Variants in MCF2L2 observed in about 807,000 individuals in gnomAD.
The protein encoded by MCF2L2 is probable guanine nucleotide exchange factor MCF2L2.
In MCF2L2, 102 loss-of-function variants were observed where a neutral mutation model predicts 150.2. The observed-to-expected ratio is 0.68, with a 90% confidence interval of 0.58 to 0.80. The LOEUF is 0.80. Among genes scored for constraint, MCF2L2 ranks in the 30% least tolerant of loss-of-function variants. The pLI is 0.00. For synonymous variants in MCF2L2, 465 were observed against 491.3 expected, an observed-to-expected ratio of 0.95 and a Z score of 0.71; for missense variants, 1,256 against 1,372.8, an observed-to-expected ratio of 0.91 and a Z score of 1.34.
At chr3:183,310,538 C>A in intron 9 of MCF2L2, 1 of 279,874 alleles carries the variant, frequency 3.6e-6, no homozygotes, top group Non-Finnish European at 7.1e-6. Context: ...TGGGGCATGC[C>A]TGTAATTCCA....
chr3:183,246,823 C>A (rs1054923700), intron 15 of MCF2L2, among the ~76,000 whole-genome samples: 3 of 152,162 alleles, frequency 2.0e-5, no homozygotes, highest in Admixed American at 1.3e-4. Flanking sequence ...GCTCTGATTT[C>A]TCCACTTTCT....
intron 22 of MCF2L2, among the ~76,000 whole-genome samples, chr3:183,215,374 CAGTTAT>C (rs1722876398): frequency 1.3e-5 from 1 of 74,510 alleles, no homozygotes; most frequent in South Asian, 5.3e-4. Context: ...AGAGATCATA[CAGTTAT>C]AGGGGATGTT....
chr3:183,308,811 G>A (rs1729223301), intron 10 of MCF2L2, among the ~76,000 whole-genome samples: 1 of 152,162 alleles, frequency 6.6e-6, no homozygotes, highest in Admixed American at 6.5e-5. Context: ...GCTTACTCAG[G>A]TGACATCTGT....
chr3:183,275,728 C>T (rs1348713617), intron 15 of MCF2L2, among the ~76,000 whole-genome samples: 1 of 152,216 alleles, frequency 6.6e-6, no homozygotes, highest in African/African-American at 2.4e-5. Context: ...ATCTTCTCAC[C>T]TCAGTCTCCT....
At chr3:183,387,415 C>T (rs1272483955) in intron 2 of MCF2L2, among the ~76,000 whole-genome samples, 1 of 152,130 alleles carries the variant, frequency 6.6e-6, no homozygotes, top group Non-Finnish European at 1.5e-5. Context: ...GTTCTCTGTT[C>T]TACGTTAGGG....
chr3:183,193,057 AT>A lies in MCF2L2; in HGVS notation c.2957del (p.Asn986IlefsTer49). 1 of 1,613,992 alleles carries A rather than the reference AT, an allele frequency of 6.2e-7. No individual in the cohort carries two copies. The highest frequency in any genetic ancestry group is 8.5e-7 in the Non-Finnish European group (1 of 1,179,976). On this transcript the variant is annotated frameshift_variant, in exon 27 of 30. Transcript: ENST00000328913. LOFTEE classifies it high-confidence loss of function. ...CCTTGCTAGTGGTAGCTCTTTCCAT[AT>A]TTTTAATCCATGGTCCGGATCCTGC... ...SGAGSGPWIK[N>X]MERATTSKED...
intron 5 of MCF2L2, among the ~76,000 whole-genome samples, chr3:183,338,318 A>G (rs1484118855): frequency 6.6e-6 from 1 of 151,980 alleles, no homozygotes; most frequent in Admixed American, 6.6e-5. Context: ...ATGGTGGCGC[A>G]TGCCTATAAT....
chr3:183,389,983 C>G (rs1244051784), intron 1 of MCF2L2, among the ~76,000 whole-genome samples: 1 of 152,154 alleles, frequency 6.6e-6, no homozygotes. Context: ...TGCATCTGAG[C>G]GTGGAACACA....
chr3:183,399,513 A>C (rs892659241), intron 1 of MCF2L2, among the ~76,000 whole-genome samples: 1 of 152,272 alleles, frequency 6.6e-6, no homozygotes, highest in African/African-American at 2.4e-5. Flanking sequence ...TAGCTGCTTC[A>C]GCTTTGAGAA....
At chr3:183,331,311 C>T (rs74551898) in intron 5 of MCF2L2, among the ~76,000 whole-genome samples, 3,162 of 152,268 alleles carry the variant, frequency 0.021, 55 homozygotes, top group Non-Finnish European at 0.03. Context: ...AAGCTTGGTG[C>T]TTCCCCAGTA....
intron 15 of MCF2L2, among the ~76,000 whole-genome samples, chr3:183,249,866 C>T (rs1724435525): frequency 6.6e-6 from 1 of 152,184 alleles, no homozygotes; most frequent in South Asian, 2.1e-4. Flanking sequence ...TTCAATTCAA[C>T]CTGCAGTTAC....
chr3:183,240,074 T>C (rs1723940704), intron 15 of MCF2L2, among the ~76,000 whole-genome samples: 1 of 152,222 alleles, frequency 6.6e-6, no homozygotes, highest in South Asian at 2.1e-4. Context: ...TCTCTCAACA[T>C]GCTTCCTGGG....
At chr3:183,324,870 C>A (rs577010557) in intron 5 of MCF2L2, among the ~76,000 whole-genome samples, 3 of 151,678 alleles carry the variant, frequency 2.0e-5, no homozygotes, top group Non-Finnish European at 4.4e-5. Flanking sequence ...TGGAACCAAC[C>A]CAAATGTCCA....
intron 15 of MCF2L2, among the ~76,000 whole-genome samples, chr3:183,241,320 T>C (rs1295523176): frequency 1.3e-5 from 2 of 152,206 alleles, no homozygotes; most frequent in Non-Finnish European, 1.5e-5. Context: ...TATGCTATTC[T>C]GTGTACTGGC....
In MCF2L2 at chr3:183,179,581, C is replaced by T. The variant is rs1421465871; in HGVS notation, c.3217G>A (p.Glu1073Lys). The T allele has an allele frequency of 6.2e-7, 1 of 1,612,998 alleles. No individual in the cohort carries two copies. Among genetic ancestry groups the T allele is most frequent in the East Asian group, 2.2e-5 (1 of 44,880 alleles). The change falls in exon 29 of 30, where the codon GAA becomes AAA. Residue 1073 changes from glutamate (E) to lysine (K), a missense_variant. Glu to Lys is a moderately conservative substitution (Grantham distance 56, BLOSUM62 1). Coordinates refer to ENST00000328913, the MANE Select transcript of MCF2L2 (RefSeq NM_015078.4). The surrounding 1 kb of genome is among the most constrained non-coding windows in gnomAD (Gnocchi z 4.2). ...QGEKEERDEE[E>K]TATRSTEEER... ...TCTTTCCTCGCTCACACTCACGTTTCCTCCTCATCGCGTTCTTCTTTTTCT... is the reference window on the plus strand; with the variant it reads ...TCTTTCCTCGCTCACACTCACGTTTTCTCCTCATCGCGTTCTTCTTTTTCT...
rs73884620 is a variant in MCF2L2, at chr3:183,272,691, A to G, written c.1862+4181T>C. ...AAGTTTTCTGACCAATTAAAAAAAC[A>G]TAGAGAACAAAAGCATATTTGACCA... On this transcript the variant is annotated intron_variant, in intron 15 of 29. Coordinates refer to ENST00000328913, the MANE Select transcript of MCF2L2 (RefSeq NM_015078.4). The G allele has an allele frequency of 5.9e-3, 5,968 of 1,009,948 alleles. 273 individuals carry two copies. The African/African-American group carries it at 0.09, about 15-fold the overall frequency. The allele number at this position is 1,009,948 out of a possible 1,614,324, so 62.6% of individuals were successfully genotyped here.
intron 3 of MCF2L2, among the ~76,000 whole-genome samples, chr3:183,365,101 T>C (rs1437748818): frequency 6.6e-6 from 1 of 152,218 alleles, no homozygotes; most frequent in Admixed American, 6.5e-5. Context: ...AGATCCCATT[T>C]ACAATAGCAA....
chr3:183,285,701 A>T (rs1727750386), intron 14 of MCF2L2, among the ~76,000 whole-genome samples: 1 of 152,196 alleles, frequency 6.6e-6, no homozygotes, highest in South Asian at 2.1e-4. Context: ...CAGAATCCTG[A>T]AAAGGCTTTT....
intron 25 of MCF2L2, among the ~76,000 whole-genome samples, chr3:183,196,630 C>T (rs1722091277): frequency 6.6e-6 from 1 of 152,112 alleles, no homozygotes; most frequent in Admixed American, 6.6e-5. Context: ...AAGCCCTTGC[C>T]ATTTGCATCA....
Sources: allele counts gnomAD v4.1 joint callset (sites outside exome capture counted in the v4.1 genomes callset), GRCh38; gene constraint gnomAD v4.1.1; non-coding constraint Gnocchi (gnomAD v3.1); transcripts MANE v1.5; gene names NCBI Gene and HGNC (gene_info 2026-07-23, HGNC 2026-07-21).